The following VPS13B variants were observed in gnomAD, a reference collection of about 807,000 sequenced individuals.
VPS13B encodes intermembrane lipid transfer protein VPS13B.
In VPS13B, 285 loss-of-function variants were observed where a neutral mutation model predicts 426.4. That is an observed-to-expected ratio of 0.67 (90% CI 0.61 to 0.74). The LOEUF (loss-of-function observed/expected upper bound fraction) is 0.74, where lower values mean the gene tolerates loss of function less well. VPS13B is among the 30% of genes least tolerant of loss of function. The probability of loss-of-function intolerance (pLI) is 0.00; values close to 1 mark genes in which losing one functional copy is unlikely to be tolerated. For synonymous variants in VPS13B, 1,676 were observed against 1,676.4 expected (o/e 1.00, Z 0.01); for missense variants, 4,537 against 4,782.6 (o/e 0.95, Z 1.51).
intron 19 of VPS13B, among the ~76,000 whole-genome samples, chr8:99,326,452 C>CTGTTTTTTTTTTTTTTTT (rs1810267222): frequency 3.1e-5 from 1 of 32,518 alleles, no homozygotes; most frequent in African/African-American, 1.3e-4. Flanking sequence ...CTCTAGGTAG[C>CTGTTTTTTTTTTTTTTTT]TTTTTTTTTT....
At chr8:99,610,533 A>G (rs2133873881) in intron 33 of VPS13B, among the ~76,000 whole-genome samples, 1 of 152,042 alleles carries the variant, frequency 6.6e-6, no homozygotes, top group Admixed American at 6.6e-5. Context: ...TGGGAGTTGA[A>G]CAATGAGAAC....
At chr8:99,813,322 G>T (rs565751157) in intron 44 of VPS13B, among the ~76,000 whole-genome samples, 3 of 152,298 alleles carry the variant, frequency 2.0e-5, no homozygotes, top group Admixed American at 1.3e-4. Flanking sequence ...AGTCCCAGAT[G>T]GTTGTGGAGA....
At chr8:99,207,714 A>G (rs185121897) in intron 17 of VPS13B, among the ~76,000 whole-genome samples, 1 of 152,328 alleles carries the variant, frequency 6.6e-6, no homozygotes, top group East Asian at 1.9e-4. Context: ...TTTCTGCAGA[A>G]AAGATACTTT....
At chr8:99,543,011 C>T (rs1823715173) in intron 30 of VPS13B, among the ~76,000 whole-genome samples, 1 of 152,126 alleles carries the variant, frequency 6.6e-6, no homozygotes, top group South Asian at 2.1e-4. Flanking sequence ...CAAGTCAATC[C>T]TGAGCCAAAA....
intron 19 of VPS13B, among the ~76,000 whole-genome samples, chr8:99,357,328 A>T (rs987977920): frequency 2.6e-5 from 4 of 152,076 alleles, no homozygotes; most frequent in Non-Finnish European, 5.9e-5. Context: ...GTAATTAATC[A>T]TATTTTACCC....
intron 21 of VPS13B, among the ~76,000 whole-genome samples, chr8:99,404,892 T>C (rs1342869679): frequency 6.6e-6 from 1 of 152,244 alleles, no homozygotes. Flanking sequence ...TTCTTTAAAA[T>C]GATAAAACAC....
chr8:99,509,997 T>C lies in VPS13B; in HGVS notation c.4225-1107T>C, dbSNP rs1821700641. Among the ~76,000 whole-genome samples the C allele has an allele frequency of 2.0e-5, 3 of 152,312 alleles. No homozygotes were observed. The South Asian group carries it at 6.2e-4, about 32-fold the overall frequency. The stretch of plus-strand genomic sequence containing the variant: ...CTAATTGAGATAGTTTTAACAAAAA[T>C]ATTGAAGTTATGATAATTTTTTTAC... On this transcript the variant is annotated intron_variant, in intron 28 of 61. Transcript: ENST00000357162.
In VPS13B at chr8:99,395,911, C is replaced by A. The variant is rs143757318; in HGVS notation, c.3082+4207C>A. 2.0e-4 allele frequency among the ~76,000 whole-genome samples: 31 copies of A among 151,824 alleles called. No homozygotes were observed. The East Asian group carries it at 6.0e-3, about 29-fold the overall frequency. ...AGAGAAATTGAAAATATATAAAGAG[C>A]CAAACTCAATTCTACAGATGAAAAA... On this transcript the variant is annotated intron_variant, in intron 21 of 61. Coordinates refer to ENST00000357162, the MANE Select transcript of VPS13B (RefSeq NM_152564.5).
At chr8:99,787,293 C>T (rs1033822766) in intron 43 of VPS13B, among the ~76,000 whole-genome samples, 1 of 152,142 alleles carries the variant, frequency 6.6e-6, no homozygotes, top group Non-Finnish European at 1.5e-5. Context: ...GAAACATGGA[C>T]ACAACCAATT....
At chr8:99,792,684 A>G (rs1039049383) in intron 43 of VPS13B, among the ~76,000 whole-genome samples, 1 of 152,154 alleles carries the variant, frequency 6.6e-6, no homozygotes, top group African/African-American at 2.4e-5. Context: ...TACAGCCACA[A>G]GAAAATAAAT....
At chr8:99,158,056 T>C (rs1016514123) in intron 15 of VPS13B, among the ~76,000 whole-genome samples, 5 of 152,158 alleles carry the variant, frequency 3.3e-5, no homozygotes, top group Admixed American at 3.3e-4. Flanking sequence ...AACATAAAAG[T>C]GCAAGGTGAA....
chr8:99,659,552 CATTATT>C (rs1242448171), intron 34 of VPS13B, among the ~76,000 whole-genome samples: 13 of 152,200 alleles, frequency 8.5e-5, no homozygotes, highest in African/African-American at 1.2e-4. Context: ...CCTCAGTATA[CATTATT>C]TTGCTACTTG....
intron 7 of VPS13B, chr8:99,120,203 T>A (rs1448902243): frequency 1.3e-5 from 2 of 150,530 alleles, no homozygotes; most frequent in Non-Finnish European, 3.0e-5. Flanking sequence ...CCTATGAATT[T>A]TACACCCGGA....
At chr8:99,800,259 G>A (rs1813054204) in intron 43 of VPS13B, among the ~76,000 whole-genome samples, 1 of 152,022 alleles carries the variant, frequency 6.6e-6, no homozygotes, top group South Asian at 2.1e-4. Context: ...ACCCTTTGTG[G>A]TGGTACCAAG....
intron 3 of VPS13B, among the ~76,000 whole-genome samples, chr8:99,070,704 T>G (rs1352898612): frequency 1.3e-5 from 2 of 152,186 alleles, no homozygotes; most frequent in Non-Finnish European, 2.9e-5. Context: ...TCATTCTGCA[T>G]ACTGTATTTA....
intron 17 of VPS13B, among the ~76,000 whole-genome samples, chr8:99,253,826 GTTGAACATTAT>G (rs1817622024): frequency 6.6e-6 from 1 of 152,158 alleles, no homozygotes; most frequent in East Asian, 1.9e-4. Flanking sequence ...TTGTGGGTTA[GTTGAACATTAT>G]TTGAACATTA....
At chr8:99,140,222 G>C (rs980930788) in intron 12 of VPS13B, among the ~76,000 whole-genome samples, 8 of 151,642 alleles carry the variant, frequency 5.3e-5, no homozygotes, top group Admixed American at 3.9e-4. Flanking sequence ...AAAATTAGCC[G>C]GGGGTGGTGG....
Position 99,340,474 on chromosome 8 carries a change from A to G in VPS13B, c.2825-43734A>G, listed in dbSNP as rs770456488. The G allele has an allele frequency of 5.5e-5, 27 of 490,456 alleles. 1 individual carries two copies. The highest frequency in any genetic ancestry group is 1.0e-4 in the Non-Finnish European group (25 of 243,692). 30.4% of individuals were successfully genotyped at this position (490,456 alleles called of 1,614,324 possible). ...CTTCTCAGACTAGGACATGTTTCCAAGGATTTCTGGAAGTTTTACCAAAAG... is the reference window on the plus strand; with the variant it reads ...CTTCTCAGACTAGGACATGTTTCCAGGGATTTCTGGAAGTTTTACCAAAAG... On this transcript the variant is annotated intron_variant, in intron 19 of 61. Coordinates refer to ENST00000357162, the MANE Select transcript of VPS13B (RefSeq NM_152564.5).
intron 12 of VPS13B, among the ~76,000 whole-genome samples, chr8:99,140,843 T>A (rs561711604): frequency 6.6e-6 from 1 of 152,332 alleles, no homozygotes; most frequent in South Asian, 2.1e-4. Context: ...AAGCATCTTC[T>A]GACAATTATT....
Sources: gnomAD v4.1 joint callset for allele counts (sites outside exome capture counted in the v4.1 genomes callset) on GRCh38, gnomAD v4.1.1 for gene constraint, MANE v1.5 for transcripts, NCBI Gene and HGNC (gene_info 2026-07-23, HGNC 2026-07-21) for gene names.